Variants in KIF16B observed in about 807,000 individuals in gnomAD.
KIF16B encodes kinesin-like protein KIF16B.
Under a neutral mutation model 156.3 loss-of-function variants are expected in KIF16B, and 98 were observed. The observed-to-expected ratio is 0.63, with a 90% CI of 0.53 to 0.74. The LOEUF (loss-of-function observed/expected upper bound fraction) is 0.74. Among genes scored for constraint, KIF16B ranks in the 30% least tolerant of loss-of-function variants. The pLI is 0.00. For missense variants in KIF16B, 1,421 were observed against 1,606.5 expected (o/e 0.88, Z 1.97); for synonymous variants, 564 against 583.7 (o/e 0.97, Z 0.49).
chr20:16,434,466 A>G (rs1449441421), intron 12 of KIF16B, among the ~76,000 whole-genome samples: 1 of 151,386 alleles, frequency 6.6e-6, no homozygotes, highest in Non-Finnish European at 1.5e-5. Flanking sequence ...TGAATAGATA[A>G]CCGAAAATGA....
intron 12 of KIF16B, among the ~76,000 whole-genome samples, chr20:16,435,095 TTTA>T (rs2066608470): frequency 6.6e-6 from 1 of 152,248 alleles, no homozygotes; most frequent in African/African-American, 2.4e-5. Context: ...ACCATGTTTC[TTTA>T]TTATTAATAT....
intron 12 of KIF16B, among the ~76,000 whole-genome samples, chr20:16,440,895 T>G (rs554547972): frequency 3.3e-5 from 5 of 152,288 alleles, no homozygotes; most frequent in Middle Eastern, 3.4e-3. Context: ...GAAACAGTCC[T>G]CTCCGCTGGC....
chr20:16,301,232 T>C (rs557197585), intron 25 of KIF16B, among the ~76,000 whole-genome samples: 40 of 152,364 alleles, frequency 2.6e-4, no homozygotes, highest in African/African-American at 9.6e-4. Flanking sequence ...TTTATCCATT[T>C]ACCTACCAAA....
At chr20:16,452,413 A>C (rs984066990) in intron 12 of KIF16B, among the ~76,000 whole-genome samples, 25 of 152,136 alleles carry the variant, frequency 1.6e-4, no homozygotes, top group Non-Finnish European at 2.9e-4. Flanking sequence ...AAAAAAAAAA[A>C]AAACTATTGT....
chr20:16,391,020 A>T (rs537125825), intron 17 of KIF16B, among the ~76,000 whole-genome samples: 4 of 152,160 alleles, frequency 2.6e-5, no homozygotes, highest in Admixed American at 6.5e-5. Context: ...TAGGGATGAG[A>T]GGAAGCCTTG....
intron 1 of KIF16B, among the ~76,000 whole-genome samples, chr20:16,530,701 T>C (rs1388057026): frequency 6.6e-6 from 1 of 151,952 alleles, no homozygotes; most frequent in South Asian, 2.1e-4. Context: ...GTTTTGTTGT[T>C]GTTGTTTGGT....
At chr20:16,451,224 A>G (rs2067072157) in intron 12 of KIF16B, among the ~76,000 whole-genome samples, 1 of 152,168 alleles carries the variant, frequency 6.6e-6, no homozygotes, top group Non-Finnish European at 1.5e-5. Context: ...CTATAATTGT[A>G]ACTTCCTTAT....
At chr20:16,433,678 G>A (rs759002420) in intron 12 of KIF16B, among the ~76,000 whole-genome samples, 18 of 151,892 alleles carry the variant, frequency 1.2e-4, no homozygotes, top group Non-Finnish European at 2.5e-4. Context: ...TTAAGAGAAA[G>A]TTTTCCAGGA....
intron 17 of KIF16B, chr20:16,382,180 T>C (rs1450042101): frequency 3.4e-6 from 4 of 1,186,618 alleles, no homozygotes; most frequent in Non-Finnish European, 4.5e-6. Flanking sequence ...AGCACAGACA[T>C]CAATTAAGGA....
intron 12 of KIF16B, among the ~76,000 whole-genome samples, chr20:16,490,999 C>A (rs1374348993): frequency 6.6e-6 from 1 of 152,102 alleles, no homozygotes; most frequent in Non-Finnish European, 1.5e-5. Flanking sequence ...CCAATACCAC[C>A]TAACTCAGAG....
intron 24 of KIF16B, among the ~76,000 whole-genome samples, chr20:16,322,959 T>C (rs1466492820): frequency 6.6e-6 from 1 of 151,972 alleles, no homozygotes; most frequent in Non-Finnish European, 1.5e-5. Flanking sequence ...AGCCCTAAAA[T>C]ATAGAAAAGA....
At chr20:16,390,774 C>T (rs1345368420) in intron 17 of KIF16B, among the ~76,000 whole-genome samples, 2 of 152,198 alleles carry the variant, frequency 1.3e-5, no homozygotes, top group African/African-American at 4.8e-5. Flanking sequence ...CATAATTTTC[C>T]TCCCACTTCC....
At chr20:16,469,560 C>G (rs1156699902) in intron 12 of KIF16B, among the ~76,000 whole-genome samples, 7 of 116,880 alleles carry the variant, frequency 6.0e-5, no homozygotes, top group Non-Finnish European at 1.8e-5. Context: ...TCCACCTTAA[C>G]TAAAAAAAAA....
At chr20:16,569,449 G>C (rs566122510) in intron 1 of KIF16B, among the ~76,000 whole-genome samples, 15 of 152,304 alleles carry the variant, frequency 9.8e-5, no homozygotes, top group African/African-American at 3.6e-4. Context: ...CATTTGAAAT[G>C]AGTATTACTG....
chr20:16,443,084 G>T (rs1275090679), intron 12 of KIF16B, among the ~76,000 whole-genome samples: 1 of 152,132 alleles, frequency 6.6e-6, no homozygotes, highest in East Asian at 1.9e-4. Context: ...ATGATCAATG[G>T]AAATGTTCAC....
chr20:16,473,284 C>G (rs2067714880), intron 12 of KIF16B, among the ~76,000 whole-genome samples: 1 of 152,164 alleles, frequency 6.6e-6, no homozygotes, highest in Admixed American at 6.5e-5. Context: ...TTTTTATAAA[C>G]AGGCCTGCTA....
At chr20:16,439,914 T>C (rs2146518461) in intron 12 of KIF16B, among the ~76,000 whole-genome samples, 1 of 152,136 alleles carries the variant, frequency 6.6e-6, no homozygotes, top group South Asian at 2.1e-4. Context: ...CCACAACATG[T>C]GGGAATTCAA....
intron 12 of KIF16B, among the ~76,000 whole-genome samples, chr20:16,449,711 C>T (rs180960265): frequency 2.6e-5 from 4 of 152,138 alleles, no homozygotes; most frequent in African/African-American, 9.6e-5. Context: ...AAATTAAATA[C>T]AATTATGAAT....
At chr20:16,430,079 T>C (rs773798783) in intron 12 of KIF16B, 97 bp from the exon 13 acceptor site, 3 of 1,274,142 alleles carry the variant, frequency 2.4e-6, no homozygotes, top group Non-Finnish European at 3.2e-6. Context: ...CAATATTTTA[T>C]TTCTCATCTA....
Sources: gnomAD v4.1 joint callset for allele counts (sites outside exome capture counted in the v4.1 genomes callset) on GRCh38, gnomAD v4.1.1 for gene constraint, MANE v1.5 for transcripts, NCBI Gene and HGNC (gene_info 2026-07-23, HGNC 2026-07-21) for gene names.